FHIT: variants seen among roughly 807,000 people sequenced by gnomAD.
The protein encoded by FHIT is fragile histidine triad diadenosine triphosphatase.
In FHIT, 19 loss-of-function variants were observed where a neutral mutation model predicts 17.9. That is an observed-to-expected ratio of 1.06 (90% CI 0.74 to 1.56). The LOEUF (loss-of-function observed/expected upper bound fraction) is 1.56, where lower values mean the gene tolerates loss of function less well. FHIT is among the 40% of genes most tolerant of loss of function. The probability of loss-of-function intolerance (pLI) is 0.00; values close to 1 mark genes in which losing one functional copy is unlikely to be tolerated. For missense variants in FHIT, 248 were observed against 189.2 expected (o/e 1.31, Z -1.82); for synonymous variants, 81 against 69.7 (o/e 1.16, Z -0.81).
At chr3:60,278,751 G>A (rs1466418951) in intron 5 of FHIT, among the ~76,000 whole-genome samples, 1 of 151,802 alleles carries the variant, frequency 6.6e-6, no homozygotes, top group East Asian at 1.9e-4. Flanking sequence ...CCCATCACTC[G>A]AGGTATTATT....
intron 1 of FHIT, among the ~76,000 whole-genome samples, chr3:61,234,589 C>G (rs761845376): frequency 6.6e-6 from 1 of 152,178 alleles, no homozygotes; most frequent in Non-Finnish European, 1.5e-5. Context: ...AAAAGCCACA[C>G]ACTGAAATAT....
rs145392725 is a variant in FHIT at position 60,115,033 on chromosome 3, T to C, written c.104-100881A>G. Among the ~76,000 whole-genome samples, 160 of 152,254 alleles carry C rather than the reference T, an allele frequency of 1.1e-3. 1 individual carries two copies. Among genetic ancestry groups the C allele is most frequent in the Middle Eastern group, 6.8e-3 (2 of 294 alleles). ...TTGTTTTCTCATCTCATGTCAAATA[T>C]TAAAATTAATCACATGCTTATTAAT... is the stretch of plus-strand genomic sequence containing the variant. On this transcript the variant is annotated intron_variant, in intron 5 of 9. Transcript: ENST00000492590.
chr3:60,502,870 G>C (rs893610480), intron 5 of FHIT, among the ~76,000 whole-genome samples: 1 of 152,190 alleles, frequency 6.6e-6, no homozygotes, highest in African/African-American at 2.4e-5. Context: ...TCAAGCCTTA[G>C]AAATTCACTT....
chr3:61,011,632 T>C (rs2031794968), intron 3 of FHIT, among the ~76,000 whole-genome samples: 1 of 152,178 alleles, frequency 6.6e-6, no homozygotes, highest in Admixed American at 6.5e-5. Context: ...CTCAACTTTT[T>C]TCCTAAAATT....
intron 7 of FHIT, among the ~76,000 whole-genome samples, chr3:59,923,889 C>T (rs2367105): frequency 0.029 from 4,394 of 152,230 alleles, 198 homozygotes; most frequent in African/African-American, 0.1. Context: ...CAGAGAGGAG[C>T]TTCAAAGCAG....
At chr3:60,812,924 A>G (rs17681785) in intron 4 of FHIT, among the ~76,000 whole-genome samples, 46,050 of 151,944 alleles carry the variant, frequency 0.3, 7,566 homozygotes, top group Middle Eastern at 0.39. Flanking sequence ...AAATGGAGGA[A>G]ACACTTTGAA....
intron 5 of FHIT, among the ~76,000 whole-genome samples, chr3:60,301,030 T>G (rs991613269): frequency 6.6e-6 from 1 of 152,056 alleles, no homozygotes; most frequent in Non-Finnish European, 1.5e-5. Context: ...GAGTCCATTC[T>G]AGATTCCCCC....
At chr3:59,985,089 G>T (rs1419584675) in intron 7 of FHIT, among the ~76,000 whole-genome samples, 1 of 152,138 alleles carries the variant, frequency 6.6e-6, no homozygotes, top group African/African-American at 2.4e-5. Flanking sequence ...TCTTCTCTGT[G>T]GTGGCTTGTG....
At chr3:60,702,923 A>T (rs2041282609) in intron 4 of FHIT, among the ~76,000 whole-genome samples, 1 of 152,168 alleles carries the variant, frequency 6.6e-6, no homozygotes, top group Non-Finnish European at 1.5e-5. Context: ...GAAATTTCTA[A>T]TACATTTTAT....
intron 1 of FHIT, among the ~76,000 whole-genome samples, chr3:61,213,786 C>T (rs112604501): frequency 0.39 from 59,439 of 152,014 alleles, 11,921 homozygotes; most frequent in East Asian, 0.52. Flanking sequence ...TGTAAAAGAA[C>T]AGAAATTATA....
chr3:60,828,876 C>T (rs933159896), intron 3 of FHIT, among the ~76,000 whole-genome samples: 1 of 151,998 alleles, frequency 6.6e-6, no homozygotes, highest in South Asian at 2.1e-4. Flanking sequence ...GAAATGCTGT[C>T]TCAAAACAAA....
chr3:59,830,472 T>C (rs931609092), intron 8 of FHIT, among the ~76,000 whole-genome samples: 6 of 152,204 alleles, frequency 3.9e-5, no homozygotes, highest in Non-Finnish European at 8.8e-5. Flanking sequence ...GACTCCAAAA[T>C]GTGCCATGTC....
chr3:61,248,835 C>A (rs2040545734), intron 1 of FHIT, among the ~76,000 whole-genome samples: 1 of 152,166 alleles, frequency 6.6e-6, no homozygotes, highest in Non-Finnish European at 1.5e-5. Context: ...TGCCTTCTTG[C>A]AGAAACGGGA....
intron 4 of FHIT, among the ~76,000 whole-genome samples, chr3:60,708,131 T>C (rs530994975): frequency 1.3e-5 from 2 of 152,356 alleles, no homozygotes; most frequent in African/African-American, 4.8e-5. Flanking sequence ...GCAAGGCTTA[T>C]ATTCAAGTAT....
At chr3:59,952,059 G>A (rs1050502166) in intron 7 of FHIT, among the ~76,000 whole-genome samples, 1 of 152,110 alleles carries the variant, frequency 6.6e-6, no homozygotes, top group African/African-American at 2.4e-5. Context: ...GCACCTAAAG[G>A]GGTACTGAGA....
chr3:60,605,571 T>C (rs559574191), intron 4 of FHIT, among the ~76,000 whole-genome samples: 17 of 152,364 alleles, frequency 1.1e-4, no homozygotes, highest in African/African-American at 4.1e-4. Context: ...TCTTCCTATG[T>C]CTTTTCATTC....
At chr3:60,481,794 C>G (rs1164756104) in intron 5 of FHIT, among the ~76,000 whole-genome samples, 1 of 152,110 alleles carries the variant, frequency 6.6e-6, no homozygotes, top group Non-Finnish European at 1.5e-5. Flanking sequence ...TAGATAGCAT[C>G]ATCATGACAG....
intron 4 of FHIT, among the ~76,000 whole-genome samples, chr3:60,596,761 T>C (rs782527703): frequency 6.6e-6 from 1 of 152,140 alleles, no homozygotes; most frequent in South Asian, 2.1e-4. Flanking sequence ...TGACTGCCTA[T>C]AGAGAGCATG....
intron 9 of FHIT, chr3:59,750,272 C>T (rs992877301): frequency 4.4e-6 from 1 of 225,576 alleles, no homozygotes; most frequent in Non-Finnish European, 8.8e-6. Context: ...TTCAGCAAGC[C>T]TTGGGAAAAA....
Sources: allele counts gnomAD v4.1 joint callset (sites outside exome capture counted in the v4.1 genomes callset), GRCh38; gene constraint gnomAD v4.1.1; transcripts MANE v1.5; gene names NCBI Gene and HGNC (gene_info 2026-07-23, HGNC 2026-07-21).